PPP3R1: variants seen among roughly 807,000 people sequenced by gnomAD.
PPP3R1 encodes the protein protein phosphatase 3 regulatory subunit B, alpha.
In PPP3R1, 5 loss-of-function variants were observed where a neutral mutation model predicts 22.6. The ratio of observed to expected loss-of-function variants is 0.22; its 90% CI spans 0.12 to 0.46. The LOEUF is 0.46. PPP3R1 is among the 20% of genes least tolerant of loss of function. PPP3R1 has a pLI of 0.99. For missense variants in PPP3R1, 61 were observed against 203.2 expected, an observed-to-expected ratio of 0.30 and a Z score of 4.25; for synonymous variants, 56 against 65.2, an observed-to-expected ratio of 0.86 and a Z score of 0.68.
chr2:68,184,458 TCATTG>T (rs1674491319), intron 5 of PPP3R1, among the ~76,000 whole-genome samples: 1 of 152,214 alleles, frequency 6.6e-6, no homozygotes, highest in African/African-American at 2.4e-5. Context: ...CCTTTCTAAT[TCATTG>T]CATTTTATTG....
chr2:68,190,976 T>TA, intron 2 of PPP3R1, among the ~76,000 whole-genome samples: 1 of 152,382 alleles, frequency 6.6e-6, no homozygotes, highest in Non-Finnish European at 1.5e-5. Flanking sequence ...TTTATGTTAA[T>TA]ACTCTGTTAC....
chr2:68,239,017 A>C (rs1017481474), intron 1 of PPP3R1, among the ~76,000 whole-genome samples: 1 of 150,854 alleles, frequency 6.6e-6, no homozygotes, highest in Non-Finnish European at 1.5e-5. Context: ...AACATAATAA[A>C]ATACTTTTAA....
chr2:68,206,623 C>T (rs1393191612), intron 2 of PPP3R1, among the ~76,000 whole-genome samples: 1 of 152,132 alleles, frequency 6.6e-6, no homozygotes, highest in Non-Finnish European at 1.5e-5. Flanking sequence ...CAAATGTCAC[C>T]CCTTCCAGGA....
intron 5 of PPP3R1, among the ~76,000 whole-genome samples, chr2:68,183,125 C>T (rs1674449396): frequency 6.6e-6 from 1 of 152,222 alleles, no homozygotes; most frequent in African/African-American, 2.4e-5. Flanking sequence ...AGTGGGAGCA[C>T]ATCCTCCAGT....
intron 2 of PPP3R1, 129 bp from the exon 3 acceptor site, chr2:68,188,819 C>A: frequency 2.8e-6 from 2 of 710,890 alleles, no homozygotes; most frequent in Non-Finnish European, 4.5e-6. Context: ...AACAGTTATC[C>A]AATAGTTTAA....
At chr2:68,247,289 T>C (rs1435937698) in intron 1 of PPP3R1, among the ~76,000 whole-genome samples, 4 of 148,400 alleles carry the variant, frequency 2.7e-5, no homozygotes, top group African/African-American at 7.3e-5. Flanking sequence ...TGTGCAAAAA[T>C]AAAAATTCTC....
intron 1 of PPP3R1, 45 bp from the exon 2 acceptor site, chr2:68,217,176 T>C: frequency 7.0e-7 from 1 of 1,429,790 alleles, no homozygotes; most frequent in Non-Finnish European, 9.6e-7. Flanking sequence ...TAGGCACAAA[T>C]TTGTTTAAAA....
chr2:68,199,252 G>A (rs1002355904), intron 2 of PPP3R1, among the ~76,000 whole-genome samples: 7 of 152,076 alleles, frequency 4.6e-5, no homozygotes, highest in African/African-American at 1.7e-4. Context: ...GTGAGCCACC[G>A]CTCCCAGACC....
intron 2 of PPP3R1, among the ~76,000 whole-genome samples, chr2:68,189,022 T>A (rs887362331): frequency 6.6e-6 from 1 of 152,148 alleles, no homozygotes; most frequent in African/African-American, 2.4e-5. Context: ...TCACAAAAGA[T>A]TATTTCAGGA....
In PPP3R1 at chr2:68,248,667, A is replaced by C. The variant is rs185775783; in HGVS notation, c.3+3458T>G. ...GGAACCATCAGTGCTCCAAATGTAC[A>C]TTGTCTCTTCCTCCCTTTAGGATTT... On this transcript the variant is annotated intron_variant, in intron 1 of 5. Coordinates refer to ENST00000234310, the MANE Select transcript of PPP3R1 (RefSeq NM_000945.4). Among the ~76,000 whole-genome samples the C allele has an allele frequency of 2.4e-3, 371 of 152,232 alleles. 1 individual carries two copies. Among genetic ancestry groups the C allele is most frequent in the African/African-American group, 8.4e-3 (347 of 41,536 alleles).
chr2:68,198,129 AACATGTTTACATAT>A lies in PPP3R1; in HGVS notation c.44-9453_44-9440del, dbSNP rs529695073. Among the ~76,000 whole-genome samples the A allele has an allele frequency of 5.4e-3, 760 of 141,950 alleles. 4 individuals are homozygous for A. The highest frequency in any genetic ancestry group is 9.7e-3 in the Non-Finnish European group (636 of 65,742). The allele number at this position is 141,950 out of a possible 152,430, so 93.1% of individuals were successfully genotyped here. A position where few individuals can be genotyped will look rare whatever the true frequency, so the allele number is the denominator to read the frequency against. On this transcript the variant is annotated intron_variant, in intron 2 of 5. Coordinates refer to ENST00000234310, the MANE Select transcript of PPP3R1 (RefSeq NM_000945.4). Reference sequence around the variant, plus strand: ...ACATATATATGTAAATATATATGTAAACATGTTTACATATACAATACACATATATGTAAATATAT... The same window carrying A: ...ACATATATATGTAAATATATATGTAAACAATACACATATATGTAAATATAT...
rs1669975651 is a variant in PPP3R1, at chr2:68,234,315, C to T, written c.4-17184G>A. 2.0e-5 allele frequency among the ~76,000 whole-genome samples: 3 copies of T among 152,044 alleles called. 1 individual carries two copies. Among genetic ancestry groups the T allele is most frequent in the Admixed American group, 2.0e-4 (3 of 15,248 alleles). On this transcript the variant is annotated intron_variant, in intron 1 of 5. Coordinates refer to ENST00000234310, the MANE Select transcript of PPP3R1 (RefSeq NM_000945.4). Reference sequence around the variant, plus strand: ...CCGAGATTGTGCCACTGCACTCCAGCCTGGGGAACAGAGTGAGACTCCGTC... The same window carrying T: ...CCGAGATTGTGCCACTGCACTCCAGTCTGGGGAACAGAGTGAGACTCCGTC...
At chr2:68,250,105 T>C (rs1171895982) in intron 1 of PPP3R1, among the ~76,000 whole-genome samples, 1 of 151,506 alleles carries the variant, frequency 6.6e-6, no homozygotes, top group African/African-American at 2.4e-5. Flanking sequence ...GGAAAGCCAC[T>C]GCCAACATTA....
intron 2 of PPP3R1, among the ~76,000 whole-genome samples, chr2:68,197,395 T>TTATATGGA (rs1391669786): frequency 6.6e-6 from 1 of 152,224 alleles, no homozygotes; most frequent in Non-Finnish European, 1.5e-5. Context: ...GTATAGTCCA[T>TTATATGGA]TATATGGATA....
At chr2:68,202,831 C>T (rs1675013849) in intron 2 of PPP3R1, among the ~76,000 whole-genome samples, 1 of 104,242 alleles carries the variant, frequency 9.6e-6, no homozygotes, top group Admixed American at 1.2e-4. Flanking sequence ...GAGACGGAGT[C>T]TCGCTCTGTC....
chr2:68,223,845 G>C (rs1374531758), intron 1 of PPP3R1, among the ~76,000 whole-genome samples: 1 of 150,266 alleles, frequency 6.7e-6, no homozygotes, highest in Non-Finnish European at 1.5e-5. Flanking sequence ...GATTGGAAAG[G>C]AATAAACTGC....
chr2:68,234,382 C>T (rs1438177678), intron 1 of PPP3R1, among the ~76,000 whole-genome samples: 6 of 151,910 alleles, frequency 3.9e-5, no homozygotes, highest in Non-Finnish European at 8.8e-5. Context: ...CACAAGGTCA[C>T]GCAGCTGGGT....
At chr2:68,207,545 G>A (rs1012110742) in intron 2 of PPP3R1, among the ~76,000 whole-genome samples, 3 of 152,162 alleles carry the variant, frequency 2.0e-5, no homozygotes, top group African/African-American at 7.2e-5. Context: ...TTTTGCCCTA[G>A]GACATTTTTC....
chr2:68,229,917 T>C (rs116011365), intron 1 of PPP3R1, among the ~76,000 whole-genome samples: 2,847 of 151,420 alleles, frequency 0.019, 83 homozygotes, highest in African/African-American at 0.066. Flanking sequence ...TGTGTATATG[T>C]GTATATATAT....
Sources: allele counts gnomAD v4.1 joint callset (sites outside exome capture counted in the v4.1 genomes callset), GRCh38; gene constraint gnomAD v4.1.1; transcripts MANE v1.5; gene names NCBI Gene and HGNC (gene_info 2026-07-23, HGNC 2026-07-21).